The following TXLNB variants were observed in gnomAD, a reference collection of about 807,000 sequenced individuals.
The protein encoded by TXLNB is beta-taxilin.
Under a neutral mutation model 57.4 loss-of-function variants are expected in TXLNB, and 37 were observed. The observed-to-expected ratio is 0.64, with a 90% CI of 0.50 to 0.85. The LOEUF is 0.85. Ranked by LOEUF, TXLNB falls within the 40% of genes least tolerant of loss-of-function variation. The probability of loss-of-function intolerance (pLI) is 0.00; values close to 1 mark genes in which losing one functional copy is unlikely to be tolerated. For synonymous variants in TXLNB, 302 were observed against 309.6 expected (o/e 0.98, Z 0.26); for missense variants, 848 against 825.6 (o/e 1.03, Z -0.33).
upstream of TXLNB, chr6:139,292,084 G>A (rs41289823): frequency 0.33 from 48,119 of 144,146 alleles, 8,332 homozygotes; most frequent in African/African-American, 0.55. The surrounding 1 kb of genome is among the most constrained non-coding windows in gnomAD (Gnocchi z 4.0). Context: ...ACGCACGCGC[G>A]CGCACACACA....
At chr6:139,246,985 C>T (rs73558589) in intron 8 of TXLNB, among the ~76,000 whole-genome samples, 2,399 of 151,926 alleles carry the variant, frequency 0.016, 56 homozygotes, top group African/African-American at 0.055. Context: ...TGAGCAAGAA[C>T]ACACCAGAAT....
At chr6:139,289,917 G>T (rs1420122315) in intron 1 of TXLNB, among the ~76,000 whole-genome samples, 1 of 152,164 alleles carries the variant, frequency 6.6e-6, no homozygotes, top group African/African-American at 2.4e-5. Context: ...ATTTTGCTTA[G>T]TGTGAATATT....
At chr6:139,316,179 G>C in the TXLNB span, among the ~76,000 whole-genome samples, 5 of 152,216 alleles carry the variant, frequency 3.3e-5, no homozygotes, top group Non-Finnish European at 7.3e-5. Flanking sequence ...AAGGGACAAA[G>C]ATTCTTTGCT....
the TXLNB span, among the ~76,000 whole-genome samples, chr6:139,224,307 GA>G: frequency 8.2e-6 from 1 of 121,586 alleles, no homozygotes; most frequent in Non-Finnish European, 1.7e-5. Context: ...GGGGTGGGGG[GA>G]GGGGGGGAGG....
chr6:139,262,070 A>AT (rs371903271), intron 5 of TXLNB, among the ~76,000 whole-genome samples: 12,855 of 150,316 alleles, frequency 0.086, 603 homozygotes, highest in Middle Eastern at 0.11. Flanking sequence ...CGCCTGGCTA[A>AT]TTTTTTTTTG....
chr6:139,293,259 T>C (rs1035367373), upstream of TXLNB, among the ~76,000 whole-genome samples: 1 of 152,060 alleles, frequency 6.6e-6, no homozygotes, highest in African/African-American at 2.4e-5. Context: ...ATCCAGCTAA[T>C]TTTTGTATTT....
rs754093195 is a variant in TXLNB at position 139,262,697 on chromosome 6, G to A, written c.764C>T (p.Thr255Met). ...CTGCTCGATCTGGCCCTGGATGTCC[G>A]TGAGGGTACTCTGGAAATGGCTTGT... ...EITSHFQSTL[T>M]DIQGQIEQQS... The change falls in exon 5 of 10, where the codon ACG becomes ATG. Residue 255 changes from threonine to methionine, a missense_variant. Thr to Met is a moderately conservative substitution (Grantham distance 81). Transcript: ENST00000358430. 59 of 1,614,026 alleles carry A rather than the reference G, an allele frequency of 3.7e-5. No homozygotes were observed. The highest frequency in any genetic ancestry group is 1.6e-4 in the Middle Eastern group (1 of 6,084).
intron 3 of TXLNB, chr6:139,271,918 T>C (rs1448335649): frequency 6.6e-6 from 1 of 152,392 alleles, no homozygotes. Flanking sequence ...CCCTGGTTCT[T>C]CTGGACCTCA....
intron 7 of TXLNB, among the ~76,000 whole-genome samples, chr6:139,249,374 A>T (rs557241760): frequency 7.3e-4 from 111 of 152,368 alleles, no homozygotes; most frequent in Admixed American, 4.0e-3. Context: ...TTGAGTGTCC[A>T]GAATAGTCCC....
intron 3 of TXLNB, among the ~76,000 whole-genome samples, chr6:139,273,490 C>T (rs1377289930): frequency 2.0e-5 from 3 of 152,222 alleles, no homozygotes; most frequent in Admixed American, 2.0e-4. Flanking sequence ...GAGACAGCGT[C>T]TTGCTCAGTC....
At chr6:139,323,882 G>A in the TXLNB span, among the ~76,000 whole-genome samples, 1 of 152,160 alleles carries the variant, frequency 6.6e-6, no homozygotes, top group Non-Finnish European at 1.5e-5. Context: ...TTACAACAGG[G>A]GACAGTCAAC....
chr6:139,246,900 G>C (rs1776078799), intron 8 of TXLNB, among the ~76,000 whole-genome samples: 1 of 148,720 alleles, frequency 6.7e-6, no homozygotes, highest in East Asian at 2.0e-4. Context: ...GGCAACAAGA[G>C]CGAAATTCCA....
chr6:139,168,703 C>T, the TXLNB span, among the ~76,000 whole-genome samples: 9 of 151,702 alleles, frequency 5.9e-5, no homozygotes, highest in African/African-American at 7.3e-5. Context: ...ATTTTTTTCT[C>T]GGTTTATTCT....
intron 4 of TXLNB, among the ~76,000 whole-genome samples, chr6:139,269,912 A>G (rs1346790237): frequency 1.3e-5 from 2 of 152,206 alleles, no homozygotes; most frequent in African/African-American, 4.8e-5. Context: ...TTATTTTTAG[A>G]TTGAATAATT....
chr6:139,181,277 T>G, the TXLNB span, among the ~76,000 whole-genome samples: 1 of 152,254 alleles, frequency 6.6e-6, no homozygotes, highest in East Asian at 1.9e-4. Flanking sequence ...TCCCCCCTTA[T>G]CTGCTGTTTT....
At chr6:139,317,555 A>G in the TXLNB span, among the ~76,000 whole-genome samples, 2 of 151,902 alleles carry the variant, frequency 1.3e-5, no homozygotes, top group Non-Finnish European at 2.9e-5. Context: ...GCCCGCCACC[A>G]CGCCCAGCTA....
the TXLNB span, among the ~76,000 whole-genome samples, chr6:139,218,083 T>C: frequency 6.6e-6 from 1 of 152,172 alleles, no homozygotes; most frequent in South Asian, 2.1e-4. Flanking sequence ...GCTGAAGCAT[T>C]AGTGTCTTTC....
At chr6:139,165,089 A>T in the TXLNB span, among the ~76,000 whole-genome samples, 4 of 152,186 alleles carry the variant, frequency 2.6e-5, no homozygotes, top group African/African-American at 9.6e-5. Flanking sequence ...AGCATTTCTT[A>T]TTTAATCTTC....
chr6:139,172,672 C>G, the TXLNB span, among the ~76,000 whole-genome samples: 1 of 152,162 alleles, frequency 6.6e-6, no homozygotes, highest in Non-Finnish European at 1.5e-5. Context: ...AATCTAGACT[C>G]AGTCCAGACC....
Sources: gnomAD v4.1 joint callset for allele counts (sites outside exome capture counted in the v4.1 genomes callset) on GRCh38, gnomAD v4.1.1 for gene constraint, Gnocchi (gnomAD v3.1) non-coding constraint, MANE v1.5 for transcripts, NCBI Gene and HGNC (gene_info 2026-07-23, HGNC 2026-07-21) for gene names.